The following ATXN7 variants were observed in gnomAD, a reference collection of about 807,000 sequenced individuals.
ATXN7 encodes the protein ataxin 7, also known as ataxin-7.
Under a neutral mutation model 70.5 loss-of-function variants are expected in ATXN7, and 12 were observed. The observed-to-expected ratio is 0.17, with a 90% CI of 0.11 to 0.28. The LOEUF (loss-of-function observed/expected upper bound fraction) is 0.28. Ranked by LOEUF, ATXN7 falls within the 10% of genes least tolerant of loss-of-function variation. The probability of loss-of-function intolerance (pLI) is 1.00; values close to 1 mark genes in which losing one functional copy is unlikely to be tolerated. For synonymous variants in ATXN7, 498 were observed against 448.7 expected, an observed-to-expected ratio of 1.11 and a Z score of -1.39; for missense variants, 1,256 against 1,131.7, an observed-to-expected ratio of 1.11 and a Z score of -1.58.
intron 1 of ATXN7, among the ~76,000 whole-genome samples, chr3:63,890,231 GA>G (rs1266058803): frequency 6.6e-6 from 1 of 152,196 alleles, no homozygotes; most frequent in African/African-American, 2.4e-5. Flanking sequence ...ACACAGTAGA[GA>G]AAGAGTGAGA....
chr3:63,891,253 C>T (rs1389032448), intron 1 of ATXN7, among the ~76,000 whole-genome samples: 2 of 152,072 alleles, frequency 1.3e-5, no homozygotes, highest in Non-Finnish European at 2.9e-5. Flanking sequence ...CAGTGATCTG[C>T]CCACTTCAGC....
intron 1 of ATXN7, among the ~76,000 whole-genome samples, chr3:63,892,895 G>C (rs1034094794): frequency 2.6e-5 from 4 of 152,200 alleles, no homozygotes; most frequent in African/African-American, 9.7e-5. Flanking sequence ...TCTGAGCTGG[G>C]TTTTGAAGTC....
chr3:63,891,248 A>G lies in ATXN7; in HGVS notation c.-110-7151A>G, dbSNP rs527894246. Among the ~76,000 whole-genome samples, 3 of 152,024 alleles carry G rather than the reference A, an allele frequency of 2.0e-5. No homozygotes were observed. In the South Asian group the frequency reaches 6.2e-4, roughly 32 times the overall value. On this transcript the variant is annotated intron_variant, in intron 1 of 12. Transcript: ENST00000674280. ...TGGTCTGGAACTCCTGATCTCAGTG[A>G]TCTGCCCACTTCAGCCTCCCAAAGT...
At chr3:63,920,089 G>A (rs1286212677) in intron 4 of ATXN7, among the ~76,000 whole-genome samples, 2 of 152,054 alleles carry the variant, frequency 1.3e-5, no homozygotes, top group African/African-American at 2.4e-5. Context: ...GAAGGCAGAC[G>A]TTGTTCTTTA....
intron 4 of ATXN7, among the ~76,000 whole-genome samples, chr3:63,947,780 C>T (rs1277311998): frequency 6.6e-6 from 1 of 152,072 alleles, no homozygotes; most frequent in Middle Eastern, 3.2e-3. Flanking sequence ...GAGCTGAGAC[C>T]TGATGTGTGA....
At chr3:63,970,683 T>A (rs2106722076) in intron 5 of ATXN7, among the ~76,000 whole-genome samples, 1 of 152,288 alleles carries the variant, frequency 6.6e-6, no homozygotes, top group Middle Eastern at 3.4e-3. Context: ...TTATTTGAGG[T>A]TGCCATATTT....
chr3:63,873,299 G>A (rs1702649885), intron 1 of ATXN7, among the ~76,000 whole-genome samples: 1 of 152,120 alleles, frequency 6.6e-6, no homozygotes, highest in South Asian at 2.1e-4. Context: ...GGAGGGATGT[G>A]GTGACAACAA....
chr3:63,996,029 A>G lies in ATXN7; in HGVS notation c.2207A>G (p.Lys736Arg), dbSNP rs779379041. The G allele has an allele frequency of 8.1e-6, 13 of 1,614,066 alleles. No individual in the cohort carries two copies. Among genetic ancestry groups the G allele is most frequent in the Non-Finnish European group, 1.0e-5 (12 of 1,180,046 alleles). The change falls in exon 12 of 13, where the codon AAA becomes AGA. Residue 736 changes from lysine (K) to arginine (R), a missense_variant. Transcript: ENST00000674280. ...SSSHSMESFR[K>R]NCVAHSGPPY... The stretch of plus-strand genomic sequence containing the variant: ...TCTCATTCCATGGAGTCTTTTAGGA[A>G]AAACTGTGTGGCTCACTCTGGGCCT...
intron 5 of ATXN7, among the ~76,000 whole-genome samples, chr3:63,976,456 T>C (rs761071558): frequency 2.0e-5 from 3 of 152,168 alleles, no homozygotes; most frequent in Non-Finnish European, 4.4e-5. Context: ...GAATGAAAAA[T>C]TCACATGATA....
chr3:63,920,585 G>A (rs902070031), intron 4 of ATXN7, among the ~76,000 whole-genome samples: 3 of 152,054 alleles, frequency 2.0e-5, no homozygotes, highest in Non-Finnish European at 2.9e-5. Flanking sequence ...TTTACCAAAA[G>A]CCATTTTTTT....
intron 5 of ATXN7, among the ~76,000 whole-genome samples, chr3:63,970,126 A>G (rs2075287048): frequency 6.6e-6 from 1 of 152,200 alleles, no homozygotes; most frequent in South Asian, 2.1e-4. Flanking sequence ...CATGTCATTC[A>G]TTGTGTGGTA....
intron 1 of ATXN7, among the ~76,000 whole-genome samples, chr3:63,867,617 T>G (rs2107191554): frequency 6.6e-6 from 1 of 152,292 alleles, no homozygotes; most frequent in South Asian, 2.1e-4. Flanking sequence ...CCCAGCACTT[T>G]GAGAGGCCAA....
intron 8 of ATXN7, among the ~76,000 whole-genome samples, chr3:63,986,277 G>A (rs988920044): frequency 2.6e-5 from 4 of 152,206 alleles, no homozygotes; most frequent in East Asian, 1.9e-4. Flanking sequence ...GCAGGGTTCC[G>A]GAGCCTAGTT....
chr3:63,888,446 A>T (rs1703152771), intron 1 of ATXN7, among the ~76,000 whole-genome samples: 1 of 152,178 alleles, frequency 6.6e-6, no homozygotes, highest in Non-Finnish European at 1.5e-5. Context: ...ATTTTCATGT[A>T]ATCACTACCA....
chr3:63,946,732 GGA>G (rs1414952321), intron 4 of ATXN7, among the ~76,000 whole-genome samples: 1 of 152,126 alleles, frequency 6.6e-6, no homozygotes, highest in Non-Finnish European at 1.5e-5. Context: ...GACTGAGGCT[GGA>G]GAGATGGGAG....
rs770268590 is a variant in ATXN7, at chr3:63,982,347, A to C, written c.914A>C (p.Gln305Pro). 6.2e-7 allele frequency: 1 copy of C among 1,614,204 alleles called. No homozygotes were observed. The highest frequency in any genetic ancestry group is 1.1e-5 in the South Asian group (1 of 91,080). The stretch of plus-strand genomic sequence containing the variant: ...AAGCCAACCTTGCCTTCACCTGGAC[A>C]GATTCTGAATGGCAAAGGGCTTCCT... Reference protein sequence around the residue: ...IPKPTLPSPGQILNGKGLPAP... With the variant: ...IPKPTLPSPGPILNGKGLPAP... Residue 305 changes from glutamine to proline, a missense_variant, in exon 7 of 13, where the codon CAG (glutamine) becomes CCG (proline). Transcript: ENST00000674280.
chr3:63,904,827 G>A (rs1703779016), intron 2 of ATXN7: 1 of 152,254 alleles, frequency 6.6e-6, no homozygotes, highest in South Asian at 2.1e-4. Flanking sequence ...CACAATGGCT[G>A]CACTGTTTTA....
chr3:63,997,755 G>T, intron 12 of ATXN7: 1 of 1,523,214 alleles, frequency 6.6e-7, no homozygotes, highest in Non-Finnish European at 8.8e-7. Context: ...ATGCCAGCCG[G>T]GTTAGGACTT....
chr3:63,952,275 G>T (rs1265496359), intron 4 of ATXN7, 104 bp from the exon 5 acceptor site: 2 of 688,538 alleles, frequency 2.9e-6, no homozygotes, highest in African/African-American at 1.8e-5. Flanking sequence ...ATTTGTCCTG[G>T]TATACTTTAC....
Sources: allele counts gnomAD v4.1 joint callset (sites outside exome capture counted in the v4.1 genomes callset), GRCh38; gene constraint gnomAD v4.1.1; transcripts MANE v1.5; gene names NCBI Gene and HGNC (gene_info 2026-07-23, HGNC 2026-07-21).